RGS6: variants seen among roughly 807,000 people sequenced by gnomAD.
RGS6 encodes regulator of G-protein signaling 6.
In RGS6, 30 loss-of-function variants were observed where a neutral mutation model predicts 78.5. The ratio of observed to expected loss-of-function variants is 0.38; its 90% CI spans 0.29 to 0.52. The LOEUF is 0.52. Ranked by LOEUF, RGS6 falls within the 20% of genes least tolerant of loss-of-function variation. The probability of loss-of-function intolerance (pLI) is 0.85; values close to 1 mark genes in which losing one functional copy is unlikely to be tolerated. For missense variants in RGS6, 495 were observed against 609.7 expected (o/e 0.81, Z 1.98); for synonymous variants, 206 against 206.0 (o/e 1.00, Z 0.00).
intron 2 of RGS6, among the ~76,000 whole-genome samples, chr14:72,064,642 A>C (rs980856620): frequency 6.6e-6 from 1 of 152,210 alleles, no homozygotes; most frequent in Non-Finnish European, 1.5e-5. Flanking sequence ...CGAGCAGGCT[A>C]GGATTGCAGC....
At chr14:72,559,187 G>A (rs901780223) in intron 17 of RGS6, among the ~76,000 whole-genome samples, 2 of 152,234 alleles carry the variant, frequency 1.3e-5, no homozygotes, top group African/African-American at 4.8e-5. Context: ...ACAGGCAGGA[G>A]CTCCCCTCTC....
At chr14:72,169,324 C>T (rs1431739469) in intron 2 of RGS6, among the ~76,000 whole-genome samples, 1 of 151,520 alleles carries the variant, frequency 6.6e-6, no homozygotes. Flanking sequence ...TGTGGAATTA[C>T]AATACGGATG....
the RGS6 span, among the ~76,000 whole-genome samples, chr14:72,595,375 G>A: frequency 1.3e-5 from 2 of 152,162 alleles, no homozygotes; most frequent in Non-Finnish European, 2.9e-5. Flanking sequence ...TCAAAGGTAA[G>A]ATGAACTGTC....
chr14:72,111,285 G>A (rs2153547390), intron 2 of RGS6, among the ~76,000 whole-genome samples: 1 of 152,256 alleles, frequency 6.6e-6, no homozygotes, highest in East Asian at 1.9e-4. Context: ...GCACTAAAGT[G>A]CTGACAGATA....
the RGS6 span, among the ~76,000 whole-genome samples, chr14:72,576,332 C>G: frequency 6.6e-6 from 1 of 152,050 alleles, no homozygotes; most frequent in Non-Finnish European, 1.5e-5. Context: ...TTTTCTCCTC[C>G]CAAAAAGTAC....
intron 2 of RGS6, among the ~76,000 whole-genome samples, chr14:72,201,424 T>A (rs2041557526): frequency 6.6e-6 from 1 of 152,148 alleles, no homozygotes; most frequent in Admixed American, 6.6e-5. Flanking sequence ...CAATCTAGGA[T>A]GGAGAAACGG....
intron 2 of RGS6, among the ~76,000 whole-genome samples, chr14:72,215,989 G>A (rs747867947): frequency 2.0e-5 from 3 of 152,114 alleles, no homozygotes; most frequent in African/African-American, 4.8e-5. Flanking sequence ...TTCCTAGGTC[G>A]TCTGAAGGTT....
chr14:72,287,226 G>A (rs2062731194), intron 2 of RGS6, among the ~76,000 whole-genome samples: 1 of 151,968 alleles, frequency 6.6e-6, no homozygotes, highest in African/African-American at 2.4e-5. Context: ...GAGTCTTTAG[G>A]GTTTACTGCA....
chr14:72,202,838 C>T (rs1164706164), intron 2 of RGS6, among the ~76,000 whole-genome samples: 1 of 151,864 alleles, frequency 6.6e-6, no homozygotes, highest in Non-Finnish European at 1.5e-5. Context: ...CATGCTATAA[C>T]AGGGATTCTG....
chr14:72,556,824 T>C (rs189343000), intron 17 of RGS6, among the ~76,000 whole-genome samples: 131 of 152,298 alleles, frequency 8.6e-4, no homozygotes, highest in African/African-American at 3.0e-3. Flanking sequence ...AGTGAACGTC[T>C]CTTTTTTGAT....
At chr14:72,284,188 G>A (rs1267286401) in intron 2 of RGS6, among the ~76,000 whole-genome samples, 3 of 152,220 alleles carry the variant, frequency 2.0e-5, no homozygotes, top group South Asian at 2.1e-4. Context: ...GCAGCCTGAT[G>A]ACGCAGTAGA....
At chr14:72,126,338 G>A (rs1329420751) in intron 2 of RGS6, among the ~76,000 whole-genome samples, 1 of 152,228 alleles carries the variant, frequency 6.6e-6, no homozygotes, top group Non-Finnish European at 1.5e-5. Flanking sequence ...AGCTCTGTTA[G>A]GTAAAGGAGA....
intron 2 of RGS6, among the ~76,000 whole-genome samples, chr14:72,101,075 CCTGAGCCTGGGAGGATCAT>C (rs2095518287): frequency 6.6e-6 from 1 of 152,234 alleles, no homozygotes; most frequent in Middle Eastern, 3.4e-3. Context: ...GGGAGGATCA[CCTGAGCCTGGGAGGATCAT>C]CTGAGCCCAG....
chr14:72,568,273 G>A (rs1040757077), downstream of RGS6, among the ~76,000 whole-genome samples: 1 of 141,786 alleles, frequency 7.1e-6, no homozygotes, highest in South Asian at 2.2e-4. Context: ...TCTTCGGGTG[G>A]CTGTGAATTA....
intron 2 of RGS6, among the ~76,000 whole-genome samples, chr14:72,150,677 T>C (rs1357496250): frequency 6.6e-6 from 1 of 151,870 alleles, no homozygotes; most frequent in Non-Finnish European, 1.5e-5. Flanking sequence ...TGCTACATAC[T>C]TCTAAACAAC....
chr14:72,109,576 A>G (rs1183861303), intron 2 of RGS6, among the ~76,000 whole-genome samples: 5 of 152,240 alleles, frequency 3.3e-5, no homozygotes, highest in Non-Finnish European at 7.3e-5. Flanking sequence ...GAGATGCATA[A>G]ATGTATTCTC....
intron 12 of RGS6, among the ~76,000 whole-genome samples, chr14:72,492,248 CTG>C (rs1230634628): frequency 2.0e-5 from 3 of 152,178 alleles, no homozygotes; most frequent in African/African-American, 7.2e-5. Flanking sequence ...CCAGGGAAAA[CTG>C]TATTTGTGCT....
intron 17 of RGS6, among the ~76,000 whole-genome samples, chr14:72,542,614 C>A (rs990587812): frequency 6.6e-6 from 1 of 152,138 alleles, no homozygotes. Context: ...GGGCAGCTCA[C>A]GGACCAAAGA....
chr14:72,468,951 C>T (rs923234014), intron 7 of RGS6, among the ~76,000 whole-genome samples: 9 of 152,080 alleles, frequency 5.9e-5, no homozygotes, highest in East Asian at 1.9e-4. Context: ...GTAATCAATT[C>T]GTGTTGGCAT....
Sources: allele counts gnomAD v4.1 joint callset (sites outside exome capture counted in the v4.1 genomes callset), GRCh38; gene constraint gnomAD v4.1.1; transcripts MANE v1.5; gene names NCBI Gene and HGNC (gene_info 2026-07-23, HGNC 2026-07-21).